Variants in PFKFB3 observed in about 807,000 individuals in gnomAD.
The protein encoded by PFKFB3 is 6-phosphofructo-2-kinase/fructose-2,6-biphosphatase 3.
In PFKFB3, 33 loss-of-function variants were observed where a neutral mutation model predicts 68.0. The ratio of observed to expected loss-of-function variants is 0.49; its 90% CI spans 0.37 to 0.65. The LOEUF (loss-of-function observed/expected upper bound fraction) is 0.65, where lower values mean the gene tolerates loss of function less well. PFKFB3 is among the 30% of genes least tolerant of loss of function. The pLI, the probability that PFKFB3 is intolerant of heterozygous loss-of-function variation, is 0.00. For missense variants in PFKFB3, 586 were observed against 712.2 expected (o/e 0.82, Z 2.02); for synonymous variants, 315 against 288.2 (o/e 1.09, Z -0.94).
chr10:6,212,462 T>C (rs972449395), intron 1 of PFKFB3, among the ~76,000 whole-genome samples: 1 of 152,138 alleles, frequency 6.6e-6, no homozygotes, highest in African/African-American at 2.4e-5. Context: ...GAGACAGTGG[T>C]GGAGCCGGCC....
chr10:6,300,606 T>A, the PFKFB3 span, among the ~76,000 whole-genome samples: 20 of 152,216 alleles, frequency 1.3e-4, no homozygotes, highest in African/African-American at 4.8e-4. Context: ...CTGTGTATAT[T>A]CTTTGATCGT....
In PFKFB3 at chr10:6,158,972, C is replaced by A. The variant is rs889699607; in HGVS notation, c.16+13959C>A. ...TCATAGCAGCACTCTCATAGAAAAA[C>A]CTTTACACAGCACAAATGCACTTTG... On this transcript the variant is annotated intron_variant, in intron 1 of 14. Transcript: ENST00000379789. 1.1e-4 allele frequency among the ~76,000 whole-genome samples: 17 copies of A among 152,072 alleles called. 1 individual carries two copies. Among genetic ancestry groups the A allele is most frequent in the Admixed American group, 1.0e-3 (16 of 15,264 alleles).
In PFKFB3 at chr10:6,185,291, C is replaced by T. The variant is rs530865520; in HGVS notation, c.17-28332C>T. Among the ~76,000 whole-genome samples, 3 of 152,326 alleles carry T rather than the reference C, an allele frequency of 2.0e-5. No homozygotes were observed. In the East Asian group the frequency reaches 5.8e-4, roughly 29 times the overall value. On this transcript the variant is annotated intron_variant, in intron 1 of 14. Coordinates refer to the PFKFB3 transcript ENST00000379789. ...CCTCCGTAATCTCTTTACAAGGCCC[C>T]TTGGGGTGGGCCGTTCCGAGCTGGT...
At chr10:6,202,113 A>G (rs1160703464), upstream of PFKFB3, among the ~76,000 whole-genome samples, 1 of 152,234 alleles carries the variant, frequency 6.6e-6, no homozygotes, top group Non-Finnish European at 1.5e-5. Flanking sequence ...TCGGGGCGAT[A>G]AAGGTTTATT....
At position 6,233,618 on chromosome 10, in the gene PFKFB3, G is replaced by A. The variant is rs1212949282; in HGVS notation, c.*676G>A. 2.0e-5 allele frequency: 3 copies of A among 152,792 alleles called. No individual in the cohort carries two copies. Among genetic ancestry groups the A allele is most frequent in the African/African-American group, 4.8e-5 (2 of 41,468 alleles). The allele number at this position is 152,792 out of a possible 1,614,324, so 9.5% of individuals were successfully genotyped here. On this transcript the variant is annotated 3_prime_UTR_variant, in exon 15 of 15. Coordinates refer to ENST00000379775, the MANE Select transcript of PFKFB3 (RefSeq NM_004566.4). ...ATGTGCAAGGGCAGGCTGGCTGCAC[G>A]GGGAGAGGGAAGTATTTTGCCGAAA...
At chr10:6,239,531 A>T (rs1846094338), downstream of PFKFB3, among the ~76,000 whole-genome samples, 1 of 152,022 alleles carries the variant, frequency 6.6e-6, no homozygotes, top group Admixed American at 6.6e-5. Flanking sequence ...CGAACAACAG[A>T]TTTTCTGGAG....
At chr10:6,218,242 T>G (rs1257748784) in intron 6 of PFKFB3, among the ~76,000 whole-genome samples, 1 of 152,130 alleles carries the variant, frequency 6.6e-6, no homozygotes, top group African/African-American at 2.4e-5. Context: ...ATTTGTCTGG[T>G]TGTCCACTAG....
the PFKFB3 span, among the ~76,000 whole-genome samples, chr10:6,296,371 G>A: frequency 6.6e-6 from 1 of 152,278 alleles, no homozygotes; most frequent in East Asian, 1.9e-4. Flanking sequence ...TTACCGGAAA[G>A]GGGTCCCAAT....
chr10:6,283,072 T>C, the PFKFB3 span, among the ~76,000 whole-genome samples: 1 of 152,272 alleles, frequency 6.6e-6, no homozygotes, highest in African/African-American at 2.4e-5. Flanking sequence ...TTCAAGCGAT[T>C]CTCCTGCCTC....
chr10:6,224,064 C>T (rs1845155003), intron 12 of PFKFB3, 44 bp downstream of exon 12: 5 of 1,612,290 alleles, frequency 3.1e-6, no homozygotes, highest in Non-Finnish European at 3.4e-6. Flanking sequence ...TGAAGGTGGC[C>T]ACAGTAGCTT....
At chr10:6,235,557 T>C (rs1845985229), downstream of PFKFB3, 2 of 152,288 alleles carry the variant, frequency 1.3e-5, no homozygotes, top group African/African-American at 4.8e-5. Flanking sequence ...CTCTGGTCTT[T>C]TCGTGGGGGA....
downstream of PFKFB3, among the ~76,000 whole-genome samples, chr10:6,255,344 A>G (rs1373516605): frequency 1.4e-5 from 2 of 144,708 alleles, no homozygotes; most frequent in African/African-American, 2.6e-5. Context: ...GGCTGGTCTC[A>G]AACTCCTGAC....
At chr10:6,321,337 GT>G in the PFKFB3 span, among the ~76,000 whole-genome samples, 2 of 151,512 alleles carry the variant, frequency 1.3e-5, no homozygotes, top group African/African-American at 2.4e-5. Flanking sequence ...ATTCTCTGTT[GT>G]TTTTTTAAGT....
intron 1 of PFKFB3, among the ~76,000 whole-genome samples, chr10:6,151,896 G>A (rs1399703889): frequency 2.0e-5 from 3 of 151,598 alleles, no homozygotes; most frequent in Admixed American, 6.6e-5. Context: ...TGGTGGGGAC[G>A]CCTTGTTTCT....
the PFKFB3 span, among the ~76,000 whole-genome samples, chr10:6,323,006 C>T: frequency 3.3e-3 from 501 of 152,322 alleles, 1 homozygote; most frequent in Non-Finnish European, 4.0e-3. Context: ...GTTACATTGT[C>T]AGTACTTAAC....
chr10:6,311,263 A>G, the PFKFB3 span, among the ~76,000 whole-genome samples: 1 of 152,188 alleles, frequency 6.6e-6, no homozygotes, highest in South Asian at 2.1e-4. Context: ...TCCTGTATTG[A>G]TTTCCAATTT....
chr10:6,184,983 G>A (rs188927572), intron 1 of PFKFB3, among the ~76,000 whole-genome samples: 3 of 152,150 alleles, frequency 2.0e-5, no homozygotes, highest in Admixed American at 6.5e-5. Flanking sequence ...CATCAGCTTC[G>A]CACGTTCACT....
rs1845483972 is a variant in PFKFB3, at chr10:6,228,189, T to C, written c.1515+1824T>C. On this transcript the variant is annotated intron_variant, in intron 14 of 14. Transcript: ENST00000379775. This position sits in a 1 kb window ranked among gnomAD's most constrained non-coding sequence, Gnocchi z 4.5. ...GACTGACTTCTCTCTCTGCTTCTCC[T>C]CCGCAGCCTTTGCTAGGGCAAGCCT... 5.0e-6 allele frequency: 8 copies of C among 1,612,822 alleles called. No homozygotes were observed. The highest frequency in any genetic ancestry group is 5.9e-6 in the Non-Finnish European group (7 of 1,179,892).
At chr10:6,224,871 T>TA (rs1309689750) in intron 13 of PFKFB3, among the ~76,000 whole-genome samples, 1 of 152,026 alleles carries the variant, frequency 6.6e-6, no homozygotes, top group Non-Finnish European at 1.5e-5. Flanking sequence ...TTTCCAGAGT[T>TA]ACTGTTTCAA....
Sources: gnomAD v4.1 joint callset for allele counts (sites outside exome capture counted in the v4.1 genomes callset) on GRCh38, gnomAD v4.1.1 for gene constraint, Gnocchi (gnomAD v3.1) non-coding constraint, MANE v1.5 for transcripts, NCBI Gene and HGNC (gene_info 2026-07-23, HGNC 2026-07-21) for gene names.